The following CENPE variants were observed in gnomAD, a reference collection of about 807,000 sequenced individuals.
The protein encoded by CENPE is centromere-associated protein E.
Under a neutral mutation model 336.1 loss-of-function variants are expected in CENPE, and 145 were observed. The observed-to-expected ratio is 0.43, with a 90% CI of 0.38 to 0.50. CENPE has a LOEUF of 0.50. Ranked by LOEUF, CENPE falls within the 20% of genes least tolerant of loss-of-function variation. CENPE has a pLI of 0.00. For synonymous variants in CENPE, 1,013 were observed against 984.8 expected, an observed-to-expected ratio of 1.03 and a Z score of -0.54; for missense variants, 2,719 against 3,023.3, an observed-to-expected ratio of 0.90 and a Z score of 2.36.
At chr4:103,118,838 A>T (rs1750367871) in intron 44 of CENPE, among the ~76,000 whole-genome samples, 1 of 152,194 alleles carries the variant, frequency 6.6e-6, no homozygotes, top group African/African-American at 2.4e-5. Flanking sequence ...GAGAGTTCTT[A>T]AAATAGCTTA....
chr4:103,131,442 A>G (rs556105764), intron 42 of CENPE, among the ~76,000 whole-genome samples: 29 of 152,210 alleles, frequency 1.9e-4, no homozygotes, highest in Non-Finnish European at 3.5e-4. Context: ...CAAAATCCCA[A>G]ACTGACAACA....
chr4:103,161,119 G>A lies in CENPE; in HGVS notation c.2098C>T (p.Leu700Phe), dbSNP rs1220457467. Residue 700 changes from leucine to phenylalanine, a missense_variant, in exon 20 of 49, where the codon CTC becomes TTC. Leu to Phe is a conservative substitution (Grantham distance 22, BLOSUM62 0). This residue lies in a region of CENPE where 2,437 missense variants were observed against 2,513.3 expected (regional missense o/e 0.97). Coordinates refer to ENST00000265148, the MANE Select transcript of CENPE (RefSeq NM_001813.3). ...LQSAFNEITKLTSLIDGKVPK... is the reference protein window; with the variant it reads ...LQSAFNEITKFTSLIDGKVPK... Reference sequence around the variant, plus strand: ...ACTTTGCCATCTATAAGGGAGGTGAGTTTTGTTATCTCATTAAAAGCAGAT... The same window carrying A: ...ACTTTGCCATCTATAAGGGAGGTGAATTTTGTTATCTCATTAAAAGCAGAT... The A allele has an allele frequency of 1.2e-6, 2 of 1,605,970 alleles. No individual in the cohort carries two copies. The highest frequency in any genetic ancestry group is 1.7e-6 in the Non-Finnish European group (2 of 1,177,260).
chr4:103,158,218 G>A, intron 24 of CENPE, 82 bp downstream of exon 24: 1 of 1,012,860 alleles, frequency 9.9e-7, no homozygotes, highest in Non-Finnish European at 1.4e-6. Flanking sequence ...AAATGAAATT[G>A]AGAATATTAT....
intron 43 of CENPE, 29 bp downstream of exon 43, chr4:103,122,842 T>C (rs1488064864): frequency 5.2e-6 from 8 of 1,538,652 alleles, no homozygotes; most frequent in Middle Eastern, 1.7e-4. Flanking sequence ...AGCTGCAAAC[T>C]GAAGAACATT....
chr4:103,116,671 C>T lies in CENPE; in HGVS notation c.7348G>A (p.Ala2450Thr), dbSNP rs1750143707. 1.3e-6 allele frequency: 2 copies of T among 1,574,444 alleles called. No homozygotes were observed. The highest frequency in any genetic ancestry group is 1.7e-6 in the Non-Finnish European group (2 of 1,163,770). Residue 2450 changes from alanine to threonine, a missense_variant, in exon 45 of 49, where the codon GCT (alanine) becomes ACT (threonine). Physicochemically the swap from Ala to Thr is moderately conservative, Grantham distance 58. Coordinates refer to ENST00000265148, the MANE Select transcript of CENPE (RefSeq NM_001813.3). ...QVLQDKVALG[A>T]KPYKEEIEDL... ...TCAATTTCTTCTTTATATGGCTTAG[C>T]TCCTAAAGCAACTTTGTCCTAAATT...
intron 46 of CENPE, among the ~76,000 whole-genome samples, chr4:103,111,557 G>A (rs1428026061): frequency 6.6e-6 from 1 of 152,232 alleles, no homozygotes; most frequent in African/African-American, 2.4e-5. Context: ...CACAAAATGT[G>A]AGATAGTTAT....
chr4:103,112,249 T>G (rs900045871), intron 46 of CENPE, among the ~76,000 whole-genome samples: 1 of 147,880 alleles, frequency 6.8e-6, no homozygotes, highest in African/African-American at 2.5e-5. Flanking sequence ...TTATATATAA[T>G]ATATATTGCA....
In CENPE at chr4:103,116,251, T is replaced by TAC. The variant is rs58894383; in HGVS notation, c.7442+324_7442+325dup. 0.038 allele frequency: 5,740 copies of TAC among 149,984 alleles called. 159 individuals carry two copies. Among genetic ancestry groups the TAC allele is most frequent in the African/African-American group, 0.074 (2,984 of 40,414 alleles). 9.3% of individuals were successfully genotyped at this position (149,984 alleles called of 1,614,324 possible). Reference sequence around the variant, plus strand: ...CAGAAGCCTTAGTAAAACTGCTAAATACACACACACACACACACACACACA... The same window carrying TAC: ...CAGAAGCCTTAGTAAAACTGCTAAATACACACACACACACACACACACACACA... On this transcript the variant is annotated intron_variant, in intron 45 of 48. Coordinates refer to ENST00000265148, the MANE Select transcript of CENPE (RefSeq NM_001813.3).
chr4:103,194,486 A>G, intron 6 of CENPE, 45 bp from the exon 7 acceptor site: 3 of 1,485,346 alleles, frequency 2.0e-6, no homozygotes, highest in Non-Finnish European at 2.8e-6. Flanking sequence ...AATAAAATCC[A>G]TAGAAACACA....
At chr4:103,149,797 A>G (rs1320496324) in intron 26 of CENPE, among the ~76,000 whole-genome samples, 1 of 152,198 alleles carries the variant, frequency 6.6e-6, no homozygotes, top group African/African-American at 2.4e-5. Flanking sequence ...GCTGGGAGAC[A>G]CTGGAAGCTA....
intron 43 of CENPE, 52 bp from the exon 44 acceptor site, chr4:103,120,385 G>A (rs569961008): frequency 1.6e-5 from 23 of 1,439,382 alleles, no homozygotes; most frequent in Non-Finnish European, 2.1e-5. Flanking sequence ...CAGAATCACA[G>A]TATAGAAATT....
intron 34 of CENPE, 91 bp downstream of exon 34, chr4:103,143,157 C>A: frequency 1.2e-6 from 1 of 855,720 alleles, no homozygotes; most frequent in Non-Finnish European, 1.8e-6. Flanking sequence ...CTTCACTTGC[C>A]TTCAATTTTA....
intron 29 of CENPE, among the ~76,000 whole-genome samples, chr4:103,146,820 G>C (rs1251572821): frequency 1.3e-5 from 2 of 152,210 alleles, no homozygotes; most frequent in African/African-American, 4.8e-5. Flanking sequence ...GGAGACTACT[G>C]CAGATAGCCA....
intron 28 of CENPE, 28 bp downstream of exon 28, chr4:103,148,816 C>A (rs1229841190): frequency 6.3e-7 from 1 of 1,591,340 alleles, no homozygotes; most frequent in Non-Finnish European, 8.6e-7. Context: ...GAAGAAGTGA[C>A]AAAGGATGAA....
rs1220479885 is a variant in CENPE at position 103,182,754 on chromosome 4, A to C, written c.963+8T>G. The C allele has an allele frequency of 6.3e-7, 1 of 1,588,414 alleles. No individual in the cohort carries two copies. The highest frequency in any genetic ancestry group is 1.3e-5 in the African/African-American group (1 of 74,258). On this transcript the variant is annotated splice_region_variant and intron_variant, in intron 11 of 48. Coordinates refer to ENST00000265148, the MANE Select transcript of CENPE (RefSeq NM_001813.3). ...CCTATATTAAGCTGAGATAAAAATC[A>C]AACTCACCTGGAGAGCAGTAAGTGT...
At chr4:103,148,486 C>T (rs1197661263) in intron 28 of CENPE, among the ~76,000 whole-genome samples, 3 of 152,174 alleles carry the variant, frequency 2.0e-5, no homozygotes, top group Non-Finnish European at 4.4e-5. Context: ...TTATTTATAT[C>T]TACAGTCTCA....
chr4:103,134,695 C>T lies in CENPE; in HGVS notation c.6523-803G>A, dbSNP rs1414665985. Among the ~76,000 whole-genome samples, 4 of 148,128 alleles carry T rather than the reference C, an allele frequency of 2.7e-5. No individual in the cohort carries two copies. In the East Asian group the frequency reaches 8.2e-4, roughly 30 times the overall value. On this transcript the variant is annotated intron_variant, in intron 40 of 48. Coordinates refer to ENST00000265148, the MANE Select transcript of CENPE (RefSeq NM_001813.3). ...TCAAGCATATTTAGATATTTGGCTT[C>T]AAGAGACAATAATTTCAATGCCAAA... is the stretch of plus-strand genomic sequence containing the variant.
At chr4:103,163,331 A>G in intron 17 of CENPE, 75 bp from the exon 18 acceptor site, 3 of 1,356,310 alleles carry the variant, frequency 2.2e-6, no homozygotes, top group Middle Eastern at 4.7e-4. Flanking sequence ...GAACTTATAT[A>G]TATTAGTTTA....
intron 8 of CENPE, 23 bp from the exon 9 acceptor site, chr4:103,185,884 T>A (rs752390356): frequency 6.5e-7 from 1 of 1,543,116 alleles, no homozygotes; most frequent in South Asian, 1.2e-5. Context: ...TAAAAATAAA[T>A]CCTTAGGGCA....
Sources: gnomAD v4.1 joint callset for allele counts (sites outside exome capture counted in the v4.1 genomes callset) on GRCh38, gnomAD v4.1.1 for gene constraint, gnomAD v4.1.1 regional missense constraint, MANE v1.5 for transcripts, NCBI Gene and HGNC (gene_info 2026-07-23, HGNC 2026-07-21) for gene names.